Variants in ZNF283 observed in about 807,000 individuals in gnomAD.
The protein encoded by ZNF283 is zinc finger protein 283, also known as zinc finger protein 41.
ZNF283 carries 10 observed loss-of-function variants against 9.2 expected under a neutral mutation model. The observed-to-expected ratio is 1.09, with a 90% CI of 0.67 to 1.85. ZNF283 has a LOEUF of 1.85. Ranked by LOEUF, ZNF283 falls within the 40% of genes most tolerant of loss-of-function variation. The pLI is 0.00. For synonymous variants in ZNF283, 234 were observed against 244.1 expected, an observed-to-expected ratio of 0.96 and a Z score of 0.38; for missense variants, 631 against 760.1, an observed-to-expected ratio of 0.83 and a Z score of 2.00.
At chr19:43,837,216 CT>C in intron 6 of ZNF283, 37 bp downstream of exon 6, 1 of 1,534,750 alleles carries the variant, frequency 6.5e-7, no homozygotes. Flanking sequence ...AGAGTCTCCT[CT>C]TTGCATCATC....
chr19:43,841,589 T>C (rs1293079447), intron 6 of ZNF283: 2 of 152,138 alleles, frequency 1.3e-5, no homozygotes, highest in Admixed American at 6.5e-5. Context: ...TGTGCCACTA[T>C]GCCTGACTAG....
At chr19:43,840,425 TC>T (rs1218235032) in intron 6 of ZNF283, among the ~76,000 whole-genome samples, 3 of 152,054 alleles carry the variant, frequency 2.0e-5, no homozygotes, top group African/African-American at 7.2e-5. Flanking sequence ...AACCGGCTGT[TC>T]CAGGAATACA....
Position 43,835,489 on chromosome 19 carries a change from C to T in ZNF283, c.123-16C>T, listed in dbSNP as rs748781314. ...CTGAGGCACACCTGGTTTAACGCTTCGTTTTCCCTCCCCAGTTCTGGCTTT... is the reference window on the plus strand; with the variant it reads ...CTGAGGCACACCTGGTTTAACGCTTTGTTTTCCCTCCCCAGTTCTGGCTTT... On this transcript the variant is annotated splice_polypyrimidine_tract_variant and intron_variant, in intron 4 of 6. Coordinates refer to ENST00000618787, the MANE Select transcript of ZNF283 (RefSeq NM_181845.2). The T allele has an allele frequency of 1.6e-5, 25 of 1,586,556 alleles. No homozygotes were observed. In the Admixed American group the frequency reaches 2.1e-4, roughly 13 times the overall value.
At chr19:43,830,089 TG>T (rs1390921383) in intron 2 of ZNF283, among the ~76,000 whole-genome samples, 2 of 152,152 alleles carry the variant, frequency 1.3e-5, no homozygotes, top group Non-Finnish European at 2.9e-5. Flanking sequence ...TTTGTTTGTT[TG>T]TTTAAACAGG....
Position 43,848,151 on chromosome 19 carries a change from G to C in ZNF283, c.1550G>C (p.Cys517Ser), listed in dbSNP as rs1971491660. 4.3e-6 allele frequency: 7 copies of C among 1,614,006 alleles called. No homozygotes were observed. Among genetic ancestry groups the C allele is most frequent in the Non-Finnish European group, 5.9e-6 (7 of 1,179,946 alleles). ...VFHTGEKPYE[C>S]KECGKAFNCG... ...CACACTGGTGAGAAACCCTATGAAT[G>C]TAAGGAATGTGGGAAGGCTTTTAAT... Residue 517 changes from cysteine (C) to serine (S), a missense_variant, in exon 7 of 7, where the codon TGT becomes TCT. Physicochemically the swap from Cys to Ser is moderately radical, Grantham distance 112. Around this residue, in one of 3 missense-constraint regions of ZNF283, gnomAD observed 444 missense variants for 522.5 expected, o/e 0.85. Transcript: ENST00000618787.
intron 6 of ZNF283, among the ~76,000 whole-genome samples, chr19:43,846,485 T>C (rs1971404339): frequency 6.6e-6 from 1 of 152,218 alleles, no homozygotes; most frequent in East Asian, 1.9e-4. Context: ...TTTGTTTATA[T>C]GTTTACATAT....
At chr19:43,835,437 CT>C (rs1236970146) in intron 4 of ZNF283, 67 bp from the exon 5 acceptor site, 1 of 997,024 alleles carries the variant, frequency 1.0e-6, no homozygotes. Context: ...ATAAGATCTT[CT>C]ATTAGTGTAA....
chr19:43,829,612 G>A (rs1024834510), intron 2 of ZNF283, among the ~76,000 whole-genome samples: 2 of 152,068 alleles, frequency 1.3e-5, no homozygotes, highest in Admixed American at 1.3e-4. Flanking sequence ...CCATGATATG[G>A]GCTTACTGAA....
At chr19:43,829,916 G>T (rs549986782) in intron 2 of ZNF283, among the ~76,000 whole-genome samples, 4 of 151,926 alleles carry the variant, frequency 2.6e-5, no homozygotes, top group Admixed American at 1.3e-4. Flanking sequence ...CCAGCTACTC[G>T]GGAGGCTGAG....
At chr19:43,842,067 T>C (rs1971234962) in intron 6 of ZNF283, among the ~76,000 whole-genome samples, 1 of 152,186 alleles carries the variant, frequency 6.6e-6, no homozygotes, top group Non-Finnish European at 1.5e-5. Context: ...CTTCAAATAC[T>C]TTTTTCTGCT....
chr19:43,835,499 C>G lies in ZNF283; in HGVS notation c.123-6C>G. 1 of 1,605,076 alleles carries G rather than the reference C, an allele frequency of 6.2e-7. No homozygotes were observed. ...CCTGGTTTAACGCTTCGTTTTCCCTCCCCAGTTCTGGCTTTTCTGGATTCT... is the reference window on the plus strand; with the variant it reads ...CCTGGTTTAACGCTTCGTTTTCCCTGCCCAGTTCTGGCTTTTCTGGATTCT... On this transcript the variant is annotated splice_polypyrimidine_tract_variant and splice_region_variant and intron_variant, in intron 4 of 6. Transcript: ENST00000618787.
At chr19:43,839,794 A>G (rs975229947) in intron 6 of ZNF283, among the ~76,000 whole-genome samples, 7 of 151,792 alleles carry the variant, frequency 4.6e-5, no homozygotes, top group Middle Eastern at 3.4e-3. Flanking sequence ...CCTTTTATTG[A>G]TATTTTCATT....
In ZNF283 at chr19:43,848,143, C is replaced by T. The variant is rs2146591539; in HGVS notation, c.1542C>T (p.Pro514=). 4.3e-6 allele frequency: 7 copies of T among 1,612,028 alleles called. No individual in the cohort carries two copies. The highest frequency in any genetic ancestry group is 5.9e-6 in the Non-Finnish European group (7 of 1,179,364). ...AGGTATTTCACACTGGTGAGAAACC[C>T]TATGAATGTAAGGAATGTGGGAAGG... The part of the protein sequence containing the change: ...RHQVFHTGEK[P]YECKECGKAF... Residue 514 remains proline (P), a synonymous_variant, in exon 7 of 7, where the codon CCC becomes CCT. Coordinates refer to ENST00000618787, the MANE Select transcript of ZNF283 (RefSeq NM_181845.2).
intron 6 of ZNF283, among the ~76,000 whole-genome samples, chr19:43,839,649 T>G (rs1391726111): frequency 6.6e-6 from 1 of 152,180 alleles, no homozygotes; most frequent in Non-Finnish European, 1.5e-5. Context: ...TCTTTTTGCT[T>G]CTCTAGTGCA....
intron 6 of ZNF283, among the ~76,000 whole-genome samples, chr19:43,845,097 T>C (rs1012985477): frequency 6.6e-6 from 1 of 152,182 alleles, no homozygotes; most frequent in Non-Finnish European, 1.5e-5. Context: ...ACTTGACAAG[T>C]ACATTATTGC....
intron 5 of ZNF283, among the ~76,000 whole-genome samples, chr19:43,836,599 C>A (rs1381926030): frequency 6.6e-6 from 1 of 152,208 alleles, no homozygotes; most frequent in Non-Finnish European, 1.5e-5. Flanking sequence ...CCTCAGCCTC[C>A]CAAAGTGCTT....
At chr19:43,835,419 T>C (rs1970927513) in intron 4 of ZNF283, 86 bp from the exon 5 acceptor site, 3 of 839,512 alleles carry the variant, frequency 3.6e-6, no homozygotes, top group Admixed American at 4.1e-5. Context: ...GAAGCAGGCA[T>C]GGAGAAGATA....
At chr19:43,830,199 C>T (rs1273797679) in intron 2 of ZNF283, among the ~76,000 whole-genome samples, 2 of 152,076 alleles carry the variant, frequency 1.3e-5, no homozygotes, top group African/African-American at 4.8e-5. Context: ...CTCAGGCTCC[C>T]GAGTACCTGG....
intron 6 of ZNF283, 73 bp from the exon 7 acceptor site, chr19:43,846,866 T>C (rs1971416749): frequency 5.5e-6 from 6 of 1,082,402 alleles, no homozygotes; most frequent in Non-Finnish European, 7.4e-6. Flanking sequence ...TTGTCTTTTA[T>C]TTCTACTGTA....
Sources: gnomAD v4.1 joint callset for allele counts (sites outside exome capture counted in the v4.1 genomes callset) on GRCh38, gnomAD v4.1.1 for gene constraint, gnomAD v4.1.1 regional missense constraint, MANE v1.5 for transcripts, NCBI Gene and HGNC (gene_info 2026-07-23, HGNC 2026-07-21) for gene names.